Variants in FREM1 observed in about 807,000 individuals in gnomAD.
FREM1 encodes the protein FRAS1 related extracellular matrix 1.
In FREM1, 220 loss-of-function variants were observed where a neutral mutation model predicts 210.1. The observed-to-expected ratio is 1.05, with a 90% CI of 0.94 to 1.17. The LOEUF is 1.17. FREM1 is among the 50% of genes most tolerant of loss of function. The probability of loss-of-function intolerance (pLI) is 0.00; values close to 1 mark genes in which losing one functional copy is unlikely to be tolerated. For synonymous variants in FREM1, 1,189 were observed against 980.2 expected, an observed-to-expected ratio of 1.21 and a Z score of -3.98; for missense variants, 3,454 against 2,675.5, an observed-to-expected ratio of 1.29 and a Z score of -6.42.
chr9:14,882,811 G>A (rs538901111), intron 1 of FREM1, among the ~76,000 whole-genome samples: 20 of 148,168 alleles, frequency 1.3e-4, no homozygotes, highest in African/African-American at 4.5e-4. Flanking sequence ...AAAATGGGAG[G>A]CTGAAGCAGG....
rs1226905998 is a variant in FREM1 at position 14,739,025 on chromosome 9, A to AAC, written c.6340+1123_6340+1124insGT. Among the ~76,000 whole-genome samples, 4 of 151,482 alleles carry AAC rather than the reference A, an allele frequency of 2.6e-5. 1 individual carries two copies. Among genetic ancestry groups the AAC allele is most frequent in the African/African-American group, 4.8e-5 (2 of 41,238 alleles). ...ATTCTGTCTCAAAAAAAAAAAAAAA[A>AAC]AAAAGATTTATTATTGTTAAAACTG... On this transcript the variant is annotated intron_variant, in intron 36 of 36. Coordinates refer to ENST00000380880, the MANE Select transcript of FREM1 (RefSeq NM_001379081.2).
At chr9:14,766,337 T>C (rs991882517) in intron 27 of FREM1, among the ~76,000 whole-genome samples, 5 of 152,122 alleles carry the variant, frequency 3.3e-5, no homozygotes, top group South Asian at 2.1e-4. Flanking sequence ...ATGCATTCCA[T>C]GAAAAATTGG....
At chr9:14,825,618 T>C (rs1194173071) in intron 10 of FREM1, among the ~76,000 whole-genome samples, 1 of 146,000 alleles carries the variant, frequency 6.8e-6, no homozygotes, top group East Asian at 2.0e-4. Flanking sequence ...AATGGGCACA[T>C]AAAACACAAA....
At chr9:14,740,521 T>C (rs750009414) in intron 35 of FREM1, among the ~76,000 whole-genome samples, 6 of 152,140 alleles carry the variant, frequency 3.9e-5, no homozygotes, top group Non-Finnish European at 5.9e-5. Context: ...TTTTGGAAAA[T>C]CAGCAACTGC....
At chr9:14,747,090 C>A (rs776329304) in intron 33 of FREM1, 39 bp from the exon 34 acceptor site, 26 of 1,612,254 alleles carry the variant, frequency 1.6e-5, no homozygotes, top group Non-Finnish European at 8.5e-7. Context: ...TTAGAATTGA[C>A]TTAAGGAAAG....
chr9:14,860,764 CAT>C, intron 3 of FREM1, among the ~76,000 whole-genome samples: 1 of 103,754 alleles, frequency 9.6e-6, no homozygotes, highest in Admixed American at 1.1e-4. Context: ...TATATATGCA[CAT>C]ATATACACAT....
chr9:14,847,291 T>C (rs770582065), intron 7 of FREM1, among the ~76,000 whole-genome samples: 4 of 151,968 alleles, frequency 2.6e-5, no homozygotes, highest in Admixed American at 1.3e-4. Context: ...TATTTGCTTC[T>C]CCCCTTACTC....
intron 3 of FREM1, among the ~76,000 whole-genome samples, chr9:14,860,112 T>A (rs1252022757): frequency 2.6e-5 from 4 of 152,204 alleles, no homozygotes; most frequent in Admixed American, 2.6e-4. Flanking sequence ...TAATGCAGCT[T>A]CTAATTGATG....
intron 27 of FREM1, among the ~76,000 whole-genome samples, chr9:14,764,488 G>C (rs1011107733): frequency 3.3e-5 from 5 of 152,194 alleles, no homozygotes; most frequent in African/African-American, 1.2e-4. Flanking sequence ...TAGAGAGAAA[G>C]ATGGCATTGA....
chr9:14,856,055 T>C (rs1477566922), intron 5 of FREM1, among the ~76,000 whole-genome samples: 5 of 152,184 alleles, frequency 3.3e-5, no homozygotes, highest in Admixed American at 3.3e-4. Context: ...CAGCCTGGTT[T>C]TGCAAACCTG....
At chr9:14,796,828 T>G (rs1423501934) in intron 21 of FREM1, among the ~76,000 whole-genome samples, 1 of 152,220 alleles carries the variant, frequency 6.6e-6, no homozygotes, top group Non-Finnish European at 1.5e-5. Context: ...GTGAGTAAAT[T>G]AAACCTCTTT....
At chr9:14,879,172 A>T (rs1834331122) in intron 1 of FREM1, among the ~76,000 whole-genome samples, 1 of 151,844 alleles carries the variant, frequency 6.6e-6, no homozygotes, top group African/African-American at 2.4e-5. Context: ...AAAAAAAAAA[A>T]AGAACTGGCA....
intron 1 of FREM1, among the ~76,000 whole-genome samples, chr9:14,909,221 A>G (rs1398160881): frequency 6.6e-6 from 1 of 152,166 alleles, no homozygotes; most frequent in African/African-American, 2.4e-5. Context: ...AAAATTAAAT[A>G]CCTTAAAAAC....
rs767899507 is a variant in FREM1 at position 14,769,837 on chromosome 9, C to T, written c.5091G>A (p.Lys1697=). The change falls in exon 27 of 37, where the codon AAG becomes AAA. Residue 1697 remains lysine (K), a synonymous_variant. Transcript: ENST00000380880. Reference sequence around the variant, plus strand: ...AAAGAATAGTCTTACTGTTTAAGTCCTTTTGGCTAAATTTCTCATGGATAA... The same window carrying T: ...AAAGAATAGTCTTACTGTTTAAGTCTTTTTGGCTAAATTTCTCATGGATAA... ...GEFIHEKFSQ[K]DLNSKTILYI... is the part of the protein sequence containing the mutation. 6.4e-7 allele frequency: 1 copy of T among 1,571,080 alleles called. No homozygotes were observed. The highest frequency in any genetic ancestry group is 2.3e-5 in the East Asian group (1 of 43,102).
At chr9:14,742,066 A>C (rs1841669444) in intron 35 of FREM1, among the ~76,000 whole-genome samples, 1 of 152,220 alleles carries the variant, frequency 6.6e-6, no homozygotes, top group Non-Finnish European at 1.5e-5. Context: ...TATGTTTATT[A>C]TTTTAGAAAA....
At chr9:14,776,309 G>A in intron 24 of FREM1, 106 bp from the exon 25 acceptor site, 2 of 1,288,168 alleles carry the variant, frequency 1.6e-6, no homozygotes, top group Non-Finnish European at 2.0e-6. Flanking sequence ...TTGTCGTGTT[G>A]TGACTCAAAT....
Position 14,759,978 on chromosome 9 carries a change from T to C in FREM1, c.5205-77A>G, listed in dbSNP as rs1252057880. 7 of 1,206,902 alleles carry C rather than the reference T, an allele frequency of 5.8e-6. No individual in the cohort carries two copies. In the Admixed American group the frequency reaches 1.5e-4, roughly 25 times the overall value. 74.8% of individuals were successfully genotyped at this position (1,206,902 alleles called of 1,614,324 possible). A position where few individuals can be genotyped will look rare whatever the true frequency, so the allele number is the denominator to read the frequency against. On this transcript the variant is annotated intron_variant, in intron 27 of 36. Coordinates refer to ENST00000380880, the MANE Select transcript of FREM1 (RefSeq NM_001379081.2). The stretch of plus-strand genomic sequence containing the variant: ...AGGGATTCTCTGCTGAGCGGACTAG[T>C]GGAAAAACGTGGTTGATCAACCTAC...
intron 1 of FREM1, among the ~76,000 whole-genome samples, chr9:14,888,249 C>T (rs1836169549): frequency 6.6e-6 from 1 of 152,158 alleles, no homozygotes; most frequent in South Asian, 2.1e-4. Flanking sequence ...AAGTAACTTG[C>T]CCAATGTCAT....
At chr9:14,825,019 A>G in intron 10 of FREM1, 27 bp from the exon 11 acceptor site, 2 of 1,501,560 alleles carry the variant, frequency 1.3e-6, no homozygotes, top group Non-Finnish European at 1.8e-6. Flanking sequence ...TGTACCATTA[A>G]TTTGAAATAC....
Sources: allele counts gnomAD v4.1 joint callset (sites outside exome capture counted in the v4.1 genomes callset), GRCh38; gene constraint gnomAD v4.1.1; transcripts MANE v1.5; gene names NCBI Gene and HGNC (gene_info 2026-07-23, HGNC 2026-07-21).